ABCF3: variants seen among roughly 807,000 people sequenced by gnomAD.
ABCF3 encodes ATP-binding cassette sub-family F member 3.
A neutral mutation model predicts 94.3 loss-of-function variants in ABCF3; 62 were observed. The observed-to-expected ratio is 0.66, with a 90% confidence interval of 0.54 to 0.81. The LOEUF is 0.81. Ranked by LOEUF, ABCF3 falls within the 40% of genes least tolerant of loss-of-function variation. The pLI is 0.00. For missense variants in ABCF3, 843 were observed against 925.3 expected (o/e 0.91, Z 1.15); for synonymous variants, 355 against 361.1 (o/e 0.98, Z 0.19).
chr3:184,186,971 C>A, intron 3 of ABCF3, 96 bp downstream of exon 3: 1 of 1,290,092 alleles, frequency 7.8e-7, no homozygotes, highest in East Asian at 2.5e-5. Context: ...ACGTCTTTTC[C>A]ACAGGACAAG....
rs776852066 is a variant in ABCF3, at chr3:184,193,167, C to T, written c.1816C>T (p.Arg606Cys). 8.9e-6 allele frequency: 14 copies of T among 1,568,476 alleles called. No individual in the cohort carries two copies. Among genetic ancestry groups the T allele is most frequent in the Middle Eastern group, 3.4e-4 (2 of 5,834 alleles). Residue 606 changes from arginine to cysteine, a missense_variant, in exon 19 of 21, where the codon CGT becomes TGT. Physicochemically the swap from Arg to Cys is radical, Grantham distance 180. Coordinates refer to ENST00000429586, the MANE Select transcript of ABCF3 (RefSeq NM_018358.3). This position sits in a 1 kb window ranked among gnomAD's most constrained non-coding sequence, Gnocchi z 5.2. ...TGGCATCTCCGGAGAACTGGCCATG[C>T]GTCCTCTTGCCAGCCTGTCTGGGGG... ...RYGISGELAM[R>C]PLASLSGGQK...
chr3:184,187,032 G>A lies in ABCF3; in HGVS notation c.301+157G>A, dbSNP rs1440173048. 5 of 767,886 alleles carry A rather than the reference G, an allele frequency of 6.5e-6. No homozygotes were observed. The South Asian group carries it at 9.5e-5, about 15-fold the overall frequency. 47.6% of individuals were successfully genotyped at this position (767,886 alleles called of 1,614,324 possible). A position where few individuals can be genotyped will look rare whatever the true frequency, so the allele number is the denominator to read the frequency against. On this transcript the variant is annotated intron_variant, in intron 3 of 20. Transcript: ENST00000429586. Reference sequence around the variant, plus strand: ...ACCGAGGGCAGAAGAGCCCATGATGGGGGTGGGGAGGAGGTTGGAGGGTTC... The same window carrying A: ...ACCGAGGGCAGAAGAGCCCATGATGAGGGTGGGGAGGAGGTTGGAGGGTTC...
At chr3:184,188,530 T>C in intron 7 of ABCF3, 123 bp downstream of exon 7, 1 of 1,328,626 alleles carries the variant, frequency 7.5e-7, no homozygotes, top group Non-Finnish European at 1.0e-6. Context: ...AACTTGGCAC[T>C]CTGGGACTCA....
At chr3:184,186,367 C>A in intron 1 of ABCF3, 87 bp downstream of exon 1, 1 of 1,595,318 alleles carries the variant, frequency 6.3e-7, no homozygotes, top group East Asian at 2.2e-5. Context: ...GGACTGTTGC[C>A]AGGCCTCTCC....
chr3:184,193,178 C>G lies in ABCF3; in HGVS notation c.1827C>G (p.Ala609=). 1 of 1,567,656 alleles carries G rather than the reference C, an allele frequency of 6.4e-7. No individual in the cohort carries two copies. Among genetic ancestry groups the G allele is most frequent in the South Asian group, 1.2e-5 (1 of 82,972 alleles). The part of the protein sequence containing the change: ...ISGELAMRPL[A]SLSGGQKSRV... ...GAGAACTGGCCATGCGTCCTCTTGC[C>G]AGCCTGTCTGGGGGCCAGAAGAGCC... The change falls in exon 19 of 21, where the codon GCC becomes GCG. Residue 609 remains alanine, a synonymous_variant. Transcript: ENST00000429586. This position sits in a 1 kb window ranked among gnomAD's most constrained non-coding sequence, Gnocchi z 5.2.
In ABCF3 at chr3:184,189,368, G is replaced by T. The variant is rs184083437; in HGVS notation, c.1058-20G>T. 6.2e-7 allele frequency: 1 copy of T among 1,614,058 alleles called. No individual in the cohort carries two copies. The highest frequency in any genetic ancestry group is 8.5e-7 in the Non-Finnish European group (1 of 1,180,028). On this transcript the variant is annotated intron_variant, in intron 11 of 20. Coordinates refer to ENST00000429586, the MANE Select transcript of ABCF3 (RefSeq NM_018358.3). Reference sequence around the variant, plus strand: ...TCTCCAGCCCTTCAATCCCAAGTGTGTGCTCCCCTGCTTCTCCAGAACCTA... The same window carrying T: ...TCTCCAGCCCTTCAATCCCAAGTGTTTGCTCCCCTGCTTCTCCAGAACCTA...
chr3:184,187,380 T>C lies in ABCF3; in HGVS notation c.302-17T>C. The C allele has an allele frequency of 6.2e-7, 1 of 1,613,934 alleles. No individual in the cohort carries two copies. The highest frequency in any genetic ancestry group is 8.5e-7 in the Non-Finnish European group (1 of 1,180,018). On this transcript the variant is annotated splice_polypyrimidine_tract_variant and intron_variant, in intron 3 of 20. Transcript: ENST00000429586. Reference sequence around the variant, plus strand: ...TTCCCTCAGGGAGAAGGTGACTGCTTTTCTTATCGCTTACAGACTGTGGAA... The same window carrying C: ...TTCCCTCAGGGAGAAGGTGACTGCTCTTCTTATCGCTTACAGACTGTGGAA...
At position 184,193,378 on chromosome 3, in the gene ABCF3, A is replaced by G. The variant is rs1289018097; in HGVS notation, c.1897A>G (p.Ile633Val). 1.2e-6 allele frequency: 2 copies of G among 1,613,962 alleles called. No individual in the cohort carries two copies. The highest frequency in any genetic ancestry group is 1.7e-6 in the Non-Finnish European group (2 of 1,180,000). The part of the protein sequence containing the change: ...QMTMPCPNFY[I>V]LDEPTNHLDM... The stretch of plus-strand genomic sequence containing the variant: ...TCTGCCTTCCAGCCCCAACTTCTAC[A>G]TTCTGGATGAACCCACAAACCACCT... The change falls in exon 20 of 21, where the codon ATT (isoleucine) becomes GTT (valine). Residue 633 changes from isoleucine (I) to valine (V), a missense_variant. Transcript: ENST00000429586. This position sits in a 1 kb window ranked among gnomAD's most constrained non-coding sequence, Gnocchi z 5.2.
At position 184,189,699 on chromosome 3, in the gene ABCF3, G is replaced by T; in HGVS notation, c.1256G>T (p.Arg419Leu). 6.2e-7 allele frequency: 1 copy of T among 1,614,082 alleles called. No individual in the cohort carries two copies. ...FETFIKSKQE[R>L]LLNQQREYEA... Reference sequence around the variant, plus strand: ...ACCTTCATCAAGAGTAAGCAGGAGCGGCTGCTCAACCAGCAGCGTGAATAT... The same window carrying T: ...ACCTTCATCAAGAGTAAGCAGGAGCTGCTGCTCAACCAGCAGCGTGAATAT... The change falls in exon 13 of 21, where the codon CGG becomes CTG. Residue 419 changes from arginine to leucine, a missense_variant. Coordinates refer to ENST00000429586, the MANE Select transcript of ABCF3 (RefSeq NM_018358.3).
At chr3:184,187,822 G>A in intron 5 of ABCF3, 39 bp from the exon 6 acceptor site, 8 of 1,614,134 alleles carry the variant, frequency 5.0e-6, no homozygotes, top group Non-Finnish European at 6.8e-6. Flanking sequence ...ACAGAAGGTG[G>A]TGGGGAGCAC....
At position 184,191,277 on chromosome 3, in the gene ABCF3, G is replaced by A. The variant is rs369053133; in HGVS notation, c.1569+22G>A. On this transcript the variant is annotated intron_variant, in intron 16 of 20. Coordinates refer to ENST00000429586, the MANE Select transcript of ABCF3 (RefSeq NM_018358.3). ...TGTGGTAAGGCTGCTGTTTCTCTGT[G>A]CTGCGAGCTGGGACTCTCCTGTCTA... 1.6e-5 allele frequency: 26 copies of A among 1,613,048 alleles called. No homozygotes were observed. In the African/African-American group the frequency reaches 3.2e-4, roughly 20 times the overall value.
intron 6 of ABCF3, 70 bp downstream of exon 6, chr3:184,188,053 G>A: frequency 1.9e-6 from 3 of 1,612,574 alleles, no homozygotes; most frequent in South Asian, 2.2e-5. Context: ...GAGGTGAAAC[G>A]GGGCTATAAA....
At position 184,188,691 on chromosome 3, in the gene ABCF3, C is replaced by T. The variant is rs73049790; in HGVS notation, c.837-70C>T. 542 of 1,492,712 alleles carry T rather than the reference C, an allele frequency of 3.6e-4. 2 individuals are homozygous for T. The African/African-American group carries it at 6.0e-3, about 17-fold the overall frequency. 92.5% of individuals were successfully genotyped at this position (1,492,712 alleles called of 1,614,324 possible). ...ACAAGGTAGCCAATGGCCTTTCCAA[C>T]GGTATAGGGTGCAGGACATCCTCCT... On this transcript the variant is annotated intron_variant, in intron 7 of 20. Transcript: ENST00000429586.
At position 184,186,214 on chromosome 3, in the gene ABCF3, A is replaced by C; in HGVS notation, c.7A>C (p.Thr3Pro). 1 of 1,614,174 alleles carries C rather than the reference A, an allele frequency of 6.2e-7. No homozygotes were observed. ...ACGGGTTCCTGAGTGGAACATGGCG[A>C]CTTGCGCCGAAATCCTGCGGAGCGA... MA[T>P]CAEILRSEFP... The change falls in exon 1 of 21, where the codon ACT becomes CCT. Residue 3 changes from threonine (T) to proline (P), a missense_variant. Coordinates refer to ENST00000429586, the MANE Select transcript of ABCF3 (RefSeq NM_018358.3).
Position 184,193,793 on chromosome 3 carries a change from C to A in ABCF3, c.*95C>A. ...ACCACTCCAGGCCGTGGACTTCCCC[C>A]AACTTGGGGACAGCCTTATTCCCAA... On this transcript the variant is annotated 3_prime_UTR_variant, in exon 21 of 21. Coordinates refer to ENST00000429586, the MANE Select transcript of ABCF3 (RefSeq NM_018358.3). This position sits in a 1 kb window ranked among gnomAD's most constrained non-coding sequence, Gnocchi z 5.2. The A allele has an allele frequency of 1.5e-6, 2 of 1,372,724 alleles. No individual in the cohort carries two copies. Among genetic ancestry groups the A allele is most frequent in the South Asian group, 1.5e-5 (1 of 67,194 alleles). 85.0% of individuals were successfully genotyped at this position (1,372,724 alleles called of 1,614,324 possible). A position where few individuals can be genotyped will look rare whatever the true frequency, so the allele number is the denominator to read the frequency against.
Position 184,188,427 on chromosome 3 carries a change from G to A in ABCF3, c.836+20G>A. ...TGGCAGGTGAGGACTCCCGGCTAGG[G>A]AGTAACTAGCAGCCGCTGTCGCTTA... On this transcript the variant is annotated intron_variant, in intron 7 of 20. Transcript: ENST00000429586. 1 of 1,594,420 alleles carries A rather than the reference G, an allele frequency of 6.3e-7. No homozygotes were observed. The highest frequency in any genetic ancestry group is 8.6e-7 in the Non-Finnish European group (1 of 1,168,210).
chr3:184,191,876 C>G (rs1184458406), intron 16 of ABCF3, among the ~76,000 whole-genome samples: 1 of 151,764 alleles, frequency 6.6e-6, no homozygotes, highest in Admixed American at 6.6e-5. Context: ...CCACAAGTAG[C>G]TGAGATTACA....
rs756208882 is a variant in ABCF3 at position 184,193,605 on chromosome 3, A to C, written c.2037A>C (p.Val679=). 1.2e-6 allele frequency: 2 copies of C among 1,614,110 alleles called. No individual in the cohort carries two copies. The highest frequency in any genetic ancestry group is 1.7e-6 in the Non-Finnish European group (2 of 1,180,002). The change falls in exon 21 of 21, where the codon GTA becomes GTC. Residue 679 remains valine (V), a synonymous_variant. Coordinates refer to ENST00000429586, the MANE Select transcript of ABCF3 (RefSeq NM_018358.3). The surrounding 1 kb of genome is among the most constrained non-coding windows in gnomAD (Gnocchi z 5.2). The part of the protein sequence containing the change: ...FIRLVCRELW[V]CEGGGVTRVE... ...GGCTGGTGTGCCGGGAGTTGTGGGT[A>C]TGCGAAGGAGGCGGCGTCACCCGTG... is the stretch of plus-strand genomic sequence containing the variant.
chr3:184,192,720 A>C, intron 17 of ABCF3, 31 bp downstream of exon 17: 9 of 1,609,704 alleles, frequency 5.6e-6, no homozygotes, highest in Non-Finnish European at 6.8e-6. Flanking sequence ...TGCCCCCATG[A>C]GCACATTTGC....
Sources: allele counts gnomAD v4.1 joint callset (sites outside exome capture counted in the v4.1 genomes callset), GRCh38; gene constraint gnomAD v4.1.1; non-coding constraint Gnocchi (gnomAD v3.1); transcripts MANE v1.5; gene names NCBI Gene and HGNC (gene_info 2026-07-23, HGNC 2026-07-21).